The following LPCAT3 variants were observed in gnomAD, a reference collection of about 807,000 sequenced individuals.
LPCAT3 encodes lysophospholipid acyltransferase 5.
Under a neutral mutation model 63.4 loss-of-function variants are expected in LPCAT3, and 21 were observed. The ratio of observed to expected loss-of-function variants is 0.33; its 90% CI spans 0.23 to 0.48. The LOEUF (loss-of-function observed/expected upper bound fraction) is 0.48, where lower values mean the gene tolerates loss of function less well. Ranked by LOEUF, LPCAT3 falls within the 20% of genes least tolerant of loss-of-function variation. The pLI, the probability that LPCAT3 is intolerant of heterozygous loss-of-function variation, is 0.99. For missense variants in LPCAT3, 451 were observed against 590.6 expected, an observed-to-expected ratio of 0.76 and a Z score of 2.45; for synonymous variants, 242 against 227.5, an observed-to-expected ratio of 1.06 and a Z score of -0.58.
intron 1 of LPCAT3, among the ~76,000 whole-genome samples, chr12:6,999,742 T>C (rs1334232666): frequency 6.6e-6 from 1 of 152,206 alleles, no homozygotes; most frequent in Non-Finnish European, 1.5e-5. Context: ...TAAATGGCTT[T>C]ACTAGCAAAG....
chr12:6,986,522 T>A (rs1946527434), intron 1 of LPCAT3, among the ~76,000 whole-genome samples: 1 of 151,890 alleles, frequency 6.6e-6, no homozygotes, highest in South Asian at 2.1e-4. Flanking sequence ...TGGTGGCTCA[T>A]GCCTGTAATC....
intron 1 of LPCAT3, among the ~76,000 whole-genome samples, chr12:7,004,845 C>CT (rs1167799493): frequency 6.6e-5 from 10 of 152,214 alleles, no homozygotes; most frequent in African/African-American, 2.4e-4. Flanking sequence ...ACTTCCTTAG[C>CT]TTGCCATTCA....
intron 1 of LPCAT3, among the ~76,000 whole-genome samples, chr12:6,998,092 T>C (rs1302277435): frequency 2.0e-5 from 3 of 152,230 alleles, no homozygotes; most frequent in African/African-American, 7.2e-5. Context: ...CATGGCTCAC[T>C]GCAGCCTTGA....
At chr12:6,985,771 GTTTT>G (rs1220627223) in intron 1 of LPCAT3, among the ~76,000 whole-genome samples, 1 of 135,678 alleles carries the variant, frequency 7.4e-6, no homozygotes. Context: ...ATCAACTGGT[GTTTT>G]TTTTTTTTTT....
chr12:7,012,652 A>G (rs782725126), intron 1 of LPCAT3, among the ~76,000 whole-genome samples: 2 of 152,300 alleles, frequency 1.3e-5, no homozygotes, highest in East Asian at 3.9e-4. Context: ...TGAGTCAGTT[A>G]TGATACCAAT....
chr12:7,003,336 T>C (rs1293908660), intron 1 of LPCAT3, among the ~76,000 whole-genome samples: 1 of 151,816 alleles, frequency 6.6e-6, no homozygotes, highest in African/African-American at 2.4e-5. Flanking sequence ...AAGAATTTAT[T>C]GAGTGCTTTG....
At chr12:6,997,145 T>C (rs1185752231) in intron 1 of LPCAT3, 1 of 152,226 alleles carries the variant, frequency 6.6e-6, no homozygotes, top group Non-Finnish European at 1.5e-5. Context: ...TGAAAAACTG[T>C]ATATCCTCCT....
intron 1 of LPCAT3, among the ~76,000 whole-genome samples, chr12:6,988,593 T>C (rs2138340070): frequency 6.6e-6 from 1 of 152,252 alleles, no homozygotes; most frequent in East Asian, 1.9e-4. Context: ...CTGAAGAATC[T>C]ATAAAAAATG....
At position 6,987,564 on chromosome 12, in the gene LPCAT3, T is replaced by A. The variant is rs1447469190; in HGVS notation, c.152-4025A>T. ...ATAGACTAAATGTCAATGCCTTCAA[T>A]CTTTTGCTTTATTTTTACTTTTGTT... On this transcript the variant is annotated intron_variant, in intron 1 of 12. Transcript: ENST00000261407. The surrounding 1 kb of genome is among the most constrained non-coding windows in gnomAD (Gnocchi z 4.1). Among the ~76,000 whole-genome samples, 3 of 152,196 alleles carry A rather than the reference T, an allele frequency of 2.0e-5. No homozygotes were observed. Among genetic ancestry groups the A allele is most frequent in the Non-Finnish European group, 4.4e-5 (3 of 68,036 alleles).
At position 6,977,583 on chromosome 12, in the gene LPCAT3, A is replaced by G. The variant is rs1555153463; in HGVS notation, c.1188+15T>C. 1 of 1,613,874 alleles carries G rather than the reference A, an allele frequency of 6.2e-7. No individual in the cohort carries two copies. The highest frequency in any genetic ancestry group is 1.1e-5 in the South Asian group (1 of 91,064). Reference sequence around the variant, plus strand: ...GTCCCTTATATTCCCCTTCACCCCCACCCTGGAGGCCTACCTGTCTTTCCA... The same window carrying G: ...GTCCCTTATATTCCCCTTCACCCCCGCCCTGGAGGCCTACCTGTCTTTCCA... On this transcript the variant is annotated intron_variant, in intron 10 of 12. Coordinates refer to ENST00000261407, the MANE Select transcript of LPCAT3 (RefSeq NM_005768.6). This position sits in a 1 kb window ranked among gnomAD's most constrained non-coding sequence, Gnocchi z 4.5.
rs1946445508 is a variant in LPCAT3 at position 6,979,325 on chromosome 12, G to A, written c.786+146C>T. On this transcript the variant is annotated intron_variant, in intron 7 of 12. Transcript: ENST00000261407. ...CTGATGAACATGTCCCAGCACGGCT[G>A]GCATTGACAACTCACAGATCTAGAG... 21 of 649,010 alleles carry A rather than the reference G, an allele frequency of 3.2e-5. No individual in the cohort carries two copies. In the East Asian group the frequency reaches 5.7e-4, roughly 18 times the overall value. The allele number at this position is 649,010 out of a possible 1,614,324, so 40.2% of individuals were successfully genotyped here.
chr12:6,980,067 A>C (rs1946454823), intron 6 of LPCAT3: 1 of 144,916 alleles, frequency 6.9e-6, no homozygotes, highest in Non-Finnish European at 1.5e-5. Flanking sequence ...TATTTTCTAG[A>C]GTCAGGGCCT....
intron 1 of LPCAT3, among the ~76,000 whole-genome samples, chr12:7,002,123 C>A (rs1013583922): frequency 1.1e-4 from 17 of 152,160 alleles, no homozygotes; most frequent in Non-Finnish European, 1.8e-4. Context: ...AGCGGCCAGG[C>A]CAGGACAGGA....
chr12:6,989,313 G>GTT (rs113013257), intron 1 of LPCAT3, among the ~76,000 whole-genome samples: 26 of 126,446 alleles, frequency 2.1e-4, no homozygotes, highest in East Asian at 4.5e-4. Context: ...CAAAATGCGT[G>GTT]TTTTTTTTTT....
chr12:6,981,334 T>C (rs1591546798), intron 5 of LPCAT3, 152 bp from the exon 6 acceptor site: 3 of 689,056 alleles, frequency 4.4e-6, no homozygotes, highest in Non-Finnish European at 7.3e-6. Context: ...CTTGTGGAAA[T>C]GCGTATGTGT....
chr12:7,005,212 G>C (rs1430735083), intron 1 of LPCAT3, among the ~76,000 whole-genome samples: 1 of 152,076 alleles, frequency 6.6e-6, no homozygotes, highest in East Asian at 1.9e-4. Context: ...TTTGTGTCTG[G>C]CTTGTTTCAT....
intron 1 of LPCAT3, among the ~76,000 whole-genome samples, chr12:7,002,610 C>A (rs1019295928): frequency 6.6e-6 from 1 of 152,148 alleles, no homozygotes; most frequent in African/African-American, 2.4e-5. Flanking sequence ...TAAAGATAAC[C>A]ATGAGAATAC....
chr12:6,978,142 C>T lies in LPCAT3; in HGVS notation c.1040+199G>A, dbSNP rs781908405. On this transcript the variant is annotated intron_variant, in intron 9 of 12. Transcript: ENST00000261407. Reference sequence around the variant, plus strand: ...CCCAGGTCTTAACGCACTTTTATATCTTGCCTTTTTTTCAAATATGACAGT... The same window carrying T: ...CCCAGGTCTTAACGCACTTTTATATTTTGCCTTTTTTTCAAATATGACAGT... 1.7e-4 allele frequency: 112 copies of T among 644,160 alleles called. 1 individual carries two copies. The East Asian group carries it at 3.0e-3, about 17-fold the overall frequency. 39.9% of individuals were successfully genotyped at this position (644,160 alleles called of 1,614,324 possible).
intron 1 of LPCAT3, among the ~76,000 whole-genome samples, chr12:7,009,313 G>A (rs958120531): frequency 2.6e-5 from 4 of 152,106 alleles, no homozygotes; most frequent in South Asian, 2.1e-4. Flanking sequence ...TGCCTGCCTC[G>A]GCCTCCCAAA....
Sources: allele counts gnomAD v4.1 joint callset (sites outside exome capture counted in the v4.1 genomes callset), GRCh38; gene constraint gnomAD v4.1.1; non-coding constraint Gnocchi (gnomAD v3.1); transcripts MANE v1.5; gene names NCBI Gene and HGNC (gene_info 2026-07-23, HGNC 2026-07-21).